Variants in SRD5A2 observed in about 807,000 individuals in gnomAD.
SRD5A2 encodes steroid 5 alpha-reductase 2, also known as 3-oxo-5-alpha-steroid 4-dehydrogenase 2.
Under a neutral mutation model 27.4 loss-of-function variants are expected in SRD5A2, and 30 were observed. The ratio of observed to expected loss-of-function variants is 1.10; its 90% CI spans 0.82 to 1.49. The LOEUF (loss-of-function observed/expected upper bound fraction) is 1.49. Ranked by LOEUF, SRD5A2 falls within the 40% of genes most tolerant of loss-of-function variation. The pLI, the probability that SRD5A2 is intolerant of heterozygous loss-of-function variation, is 0.00. For synonymous variants in SRD5A2, 141 were observed against 133.6 expected (o/e 1.06, Z -0.38); for missense variants, 348 against 323.4 (o/e 1.08, Z -0.58).
intron 1 of SRD5A2, among the ~76,000 whole-genome samples, chr2:31,554,955 GTGTGTGTGTGTGTA>G (rs1002658838): frequency 6.7e-6 from 1 of 148,658 alleles, no homozygotes; most frequent in Non-Finnish European, 1.5e-5. Context: ...GTGTGTGTGT[GTGTGTGTGTGTGTA>G]TGTGTGTGTG....
At chr2:31,602,122 A>T in the SRD5A2 span, among the ~76,000 whole-genome samples, 1 of 151,528 alleles carries the variant, frequency 6.6e-6, no homozygotes, top group Non-Finnish European at 1.5e-5. Flanking sequence ...CACTCACTTA[A>T]ACTTTGTTTG....
the SRD5A2 span, among the ~76,000 whole-genome samples, chr2:31,625,222 G>C: frequency 6.6e-6 from 1 of 152,090 alleles, no homozygotes; most frequent in Non-Finnish European, 1.5e-5. Context: ...ATTTTTTCTT[G>C]TAAATTTGTT....
At chr2:31,579,352 A>G (rs1454769782) in intron 1 of SRD5A2, among the ~76,000 whole-genome samples, 2 of 152,234 alleles carry the variant, frequency 1.3e-5, no homozygotes, top group African/African-American at 4.8e-5. Context: ...TCTTTACGAG[A>G]CAGATTATGC....
At chr2:31,625,737 A>C in the SRD5A2 span, among the ~76,000 whole-genome samples, 5 of 152,174 alleles carry the variant, frequency 3.3e-5, no homozygotes, top group African/African-American at 9.7e-5. Context: ...TTTTGGTATC[A>C]GTACAATGCT....
the SRD5A2 span, among the ~76,000 whole-genome samples, chr2:31,596,270 C>A: frequency 3.3e-5 from 5 of 151,938 alleles, no homozygotes; most frequent in African/African-American, 1.2e-4. Flanking sequence ...CAGCTGTAGT[C>A]CCAGCCACTT....
chr2:31,567,019 A>G (rs1200556379), intron 1 of SRD5A2, among the ~76,000 whole-genome samples: 1 of 152,190 alleles, frequency 6.6e-6, no homozygotes, highest in African/African-American at 2.4e-5. Flanking sequence ...ATGGCTCCAT[A>G]TATTTATTTC....
At chr2:31,593,280 T>A in the SRD5A2 span, among the ~76,000 whole-genome samples, 1 of 151,678 alleles carries the variant, frequency 6.6e-6, no homozygotes. Context: ...AAAAAGAAAT[T>A]TTCAAAAAAA....
At chr2:31,649,235 C>T in the SRD5A2 span, among the ~76,000 whole-genome samples, 1 of 152,160 alleles carries the variant, frequency 6.6e-6, no homozygotes. Flanking sequence ...AAGAGAATGA[C>T]TATTTTCTTT....
intron 4 of SRD5A2, among the ~76,000 whole-genome samples, chr2:31,526,513 C>T (rs969712408): frequency 6.6e-6 from 1 of 152,042 alleles, no homozygotes; most frequent in African/African-American, 2.4e-5. Flanking sequence ...TATGAATGTA[C>T]CTAATGCCAC....
chr2:31,581,834 T>A (rs933155857), upstream of SRD5A2, among the ~76,000 whole-genome samples: 1 of 152,140 alleles, frequency 6.6e-6, no homozygotes, highest in African/African-American at 2.4e-5. Context: ...GACCCCGCTG[T>A]TCTCTGAACT....
chr2:31,550,884 T>C (rs933475625), intron 1 of SRD5A2, among the ~76,000 whole-genome samples: 3 of 151,850 alleles, frequency 2.0e-5, no homozygotes, highest in African/African-American at 7.2e-5. Flanking sequence ...GTCAGTGTAA[T>C]AAGGTAAGAA....
chr2:31,614,136 G>A, the SRD5A2 span, among the ~76,000 whole-genome samples: 1 of 152,130 alleles, frequency 6.6e-6, no homozygotes, highest in East Asian at 1.9e-4. Context: ...TAACTCAAAA[G>A]TCCACAGTCC....
the SRD5A2 span, among the ~76,000 whole-genome samples, chr2:31,618,998 A>G: frequency 6.6e-6 from 1 of 152,184 alleles, no homozygotes; most frequent in Non-Finnish European, 1.5e-5. Flanking sequence ...TTAAGTGTGC[A>G]AAGAATCTGA....
chr2:31,541,708 T>C (rs1666133188), intron 1 of SRD5A2, among the ~76,000 whole-genome samples: 1 of 152,172 alleles, frequency 6.6e-6, no homozygotes, highest in Non-Finnish European at 1.5e-5. Context: ...GAATTGCCAA[T>C]GATGCCCCTC....
chr2:31,575,921 G>T (rs1428556299), intron 1 of SRD5A2, among the ~76,000 whole-genome samples: 3 of 152,172 alleles, frequency 2.0e-5, no homozygotes, highest in Non-Finnish European at 2.9e-5. Flanking sequence ...AGACTTCTTG[G>T]GAAAGTGAAG....
chr2:31,578,973 C>T (rs564233721), intron 1 of SRD5A2, among the ~76,000 whole-genome samples: 145 of 152,190 alleles, frequency 9.5e-4, no homozygotes, highest in African/African-American at 3.2e-3. Flanking sequence ...TAATTGTTGA[C>T]AAAAATCACA....
chr2:31,533,488 G>T, intron 2 of SRD5A2, 115 bp downstream of exon 2: 1 of 918,644 alleles, frequency 1.1e-6, no homozygotes, highest in Non-Finnish European at 1.7e-6. Flanking sequence ...AGAGGTGAGG[G>T]AGGGGAAGAT....
intron 1 of SRD5A2, among the ~76,000 whole-genome samples, chr2:31,539,584 C>T (rs148399765): frequency 6.6e-5 from 10 of 152,228 alleles, no homozygotes; most frequent in Admixed American, 2.6e-4. Flanking sequence ...AAGCTCATCC[C>T]ACTTCTCCAC....
At chr2:31,551,181 A>C (rs923218275) in intron 1 of SRD5A2, among the ~76,000 whole-genome samples, 4 of 152,130 alleles carry the variant, frequency 2.6e-5, no homozygotes, top group Non-Finnish European at 5.9e-5. Flanking sequence ...GAAAACTCCA[A>C]AGAATTAATA....
Sources: allele counts gnomAD v4.1 joint callset (sites outside exome capture counted in the v4.1 genomes callset), GRCh38; gene constraint gnomAD v4.1.1; transcripts MANE v1.5; gene names NCBI Gene and HGNC (gene_info 2026-07-23, HGNC 2026-07-21).